TENM4: variants seen among roughly 807,000 people sequenced by gnomAD.
TENM4 encodes teneurin-4.
A neutral mutation model predicts 243.3 loss-of-function variants in TENM4; 82 were observed. The observed-to-expected ratio is 0.34, with a 90% confidence interval of 0.28 to 0.40. The LOEUF is 0.40. Among genes scored for constraint, TENM4 ranks in the 10% least tolerant of loss-of-function variants. The pLI is 1.00. For missense variants in TENM4, 3,138 were observed against 3,673.3 expected (o/e 0.85, Z 3.77); for synonymous variants, 1,412 against 1,456.3 (o/e 0.97, Z 0.69).
At chr11:78,698,219 T>C (rs1013558126) in intron 28 of TENM4, among the ~76,000 whole-genome samples, 3 of 152,104 alleles carry the variant, frequency 2.0e-5, no homozygotes, top group Admixed American at 6.5e-5. Flanking sequence ...CTGGCCAATA[T>C]AGTGAAACCC....
intron 1 of TENM4, among the ~76,000 whole-genome samples, chr11:79,423,462 G>A (rs745835172): frequency 6.6e-6 from 1 of 151,852 alleles, no homozygotes; most frequent in African/African-American, 2.4e-5. Flanking sequence ...GGTTTGAAAG[G>A]GTCTTCATGA....
In TENM4 at chr11:79,064,943, G is replaced by A; in HGVS notation, c.288C>T (p.Tyr96=). Residue 96 remains tyrosine (Y), a synonymous_variant, in exon 6 of 34, where the codon TAC becomes TAT. Transcript: ENST00000278550. ...EEVTPPHGTL[Y]RTDIGLPHCG... Reference sequence around the variant, plus strand: ...AGTGGGGGAGGCCAATGTCTGTCCGGTACAGGGTCCCGTGAGGGGGCGTTA... The same window carrying A: ...AGTGGGGGAGGCCAATGTCTGTCCGATACAGGGTCCCGTGAGGGGGCGTTA... The A allele has an allele frequency of 6.6e-7, 1 of 1,508,922 alleles. No homozygotes were observed. The highest frequency in any genetic ancestry group is 2.2e-5 in the Admixed American group (1 of 46,382). 93.5% of individuals were successfully genotyped at this position (1,508,922 alleles called of 1,614,324 possible).
intron 6 of TENM4, among the ~76,000 whole-genome samples, chr11:79,008,032 C>T (rs1248332443): frequency 1.3e-5 from 2 of 152,246 alleles, no homozygotes; most frequent in Admixed American, 6.5e-5. Context: ...TTTTATGAGG[C>T]CGCTGGAATC....
rs532705274 is a variant in TENM4, at chr11:78,656,516, T to C, written c.*1542A>G. ...TGCCCTCACTGCTCCCCCAGCCTGC[T>C]GGCTGCTGCCTCAGCTTGGGCGTGC... On this transcript the variant is annotated 3_prime_UTR_variant, in exon 34 of 34. Coordinates refer to ENST00000278550, the MANE Select transcript of TENM4 (RefSeq NM_001098816.3). 1 of 152,710 alleles carries C rather than the reference T, an allele frequency of 6.5e-6. No individual in the cohort carries two copies. Among genetic ancestry groups the C allele is most frequent in the South Asian group, 2.1e-4 (1 of 4,830 alleles). 9.5% of individuals were successfully genotyped at this position (152,710 alleles called of 1,614,324 possible). A position where few individuals can be genotyped will look rare whatever the true frequency, so the allele number is the denominator to read the frequency against.
intron 9 of TENM4, among the ~76,000 whole-genome samples, chr11:78,868,737 T>C (rs538410330): frequency 6.6e-6 from 1 of 152,286 alleles, no homozygotes; most frequent in Non-Finnish European, 1.5e-5. Flanking sequence ...CACACTTCCC[T>C]TCCAAAACTG....
At chr11:79,236,497 C>T (rs1468573925) in intron 2 of TENM4, among the ~76,000 whole-genome samples, 3 of 152,174 alleles carry the variant, frequency 2.0e-5, no homozygotes, top group Non-Finnish European at 4.4e-5. Context: ...CTCTCTCTTT[C>T]TCGCGCTGTG....
At chr11:78,865,882 A>C (rs1858962425) in intron 9 of TENM4, among the ~76,000 whole-genome samples, 1 of 152,244 alleles carries the variant, frequency 6.6e-6, no homozygotes, top group Non-Finnish European at 1.5e-5. Context: ...TGAGTATAGA[A>C]AGCTTCAAAA....
intron 3 of TENM4, among the ~76,000 whole-genome samples, chr11:79,180,035 G>T (rs1006719717): frequency 2.0e-5 from 3 of 151,734 alleles, no homozygotes; most frequent in Admixed American, 6.6e-5. Flanking sequence ...GTCTGGGCTT[G>T]CAAATTGCCC....
intron 1 of TENM4, among the ~76,000 whole-genome samples, chr11:79,362,545 C>T (rs1032520008): frequency 2.0e-5 from 3 of 152,150 alleles, no homozygotes; most frequent in African/African-American, 7.2e-5. Context: ...AACAAGTTCC[C>T]ACACTCTCTG....
At chr11:78,902,218 C>A (rs531870098) in intron 7 of TENM4, among the ~76,000 whole-genome samples, 2 of 152,294 alleles carry the variant, frequency 1.3e-5, no homozygotes, top group African/African-American at 4.8e-5. Context: ...AAGTCAACAG[C>A]GCTTATCTCA....
intron 4 of TENM4, among the ~76,000 whole-genome samples, chr11:79,132,745 G>A (rs1168371472): frequency 1.3e-5 from 2 of 152,068 alleles, no homozygotes; most frequent in African/African-American, 4.8e-5. Flanking sequence ...CTCTGAATGA[G>A]CACTGAGTCA....
intron 2 of TENM4, among the ~76,000 whole-genome samples, chr11:79,292,884 G>A (rs896143915): frequency 6.6e-6 from 1 of 152,174 alleles, no homozygotes; most frequent in Admixed American, 6.5e-5. Context: ...ACTATGCTTA[G>A]CAAATAGCCA....
chr11:79,312,557 A>G (rs1856739426), intron 1 of TENM4, among the ~76,000 whole-genome samples: 1 of 152,160 alleles, frequency 6.6e-6, no homozygotes, highest in African/African-American at 2.4e-5. Flanking sequence ...TCCAAGGTTG[A>G]GCAAGTGACA....
chr11:79,436,758 C>A (rs902134837), intron 1 of TENM4, among the ~76,000 whole-genome samples: 23 of 152,182 alleles, frequency 1.5e-4, no homozygotes, highest in African/African-American at 5.6e-4. Flanking sequence ...ACCTCCACCC[C>A]CAAACAGAGG....
intron 2 of TENM4, among the ~76,000 whole-genome samples, chr11:79,292,287 C>T (rs1239940542): frequency 1.3e-5 from 2 of 152,090 alleles, no homozygotes; most frequent in East Asian, 1.9e-4. Context: ...CACCAATGAG[C>T]ATGCTGTAGT....
chr11:79,054,433 T>C (rs1859887141), intron 6 of TENM4, among the ~76,000 whole-genome samples: 1 of 152,114 alleles, frequency 6.6e-6, no homozygotes, highest in African/African-American at 2.4e-5. Context: ...TCATGGAGTT[T>C]TTGAGCTAAG....
At chr11:79,394,233 C>G (rs375687720) in intron 1 of TENM4, among the ~76,000 whole-genome samples, 5 of 152,280 alleles carry the variant, frequency 3.3e-5, no homozygotes, top group African/African-American at 1.2e-4. Context: ...CAATTCAAGC[C>G]AACAAGTATT....
At chr11:78,845,418 C>G (rs892020004) in intron 12 of TENM4, among the ~76,000 whole-genome samples, 9 of 152,222 alleles carry the variant, frequency 5.9e-5, no homozygotes, top group Admixed American at 4.6e-4. Context: ...ATAACTAATA[C>G]AGCCCGCATC....
chr11:78,668,839 C>T (rs1445082262), intron 32 of TENM4, 98 bp downstream of exon 32: 7 of 1,432,728 alleles, frequency 4.9e-6, no homozygotes, highest in Non-Finnish European at 6.6e-6. Context: ...TCAGTGTTTC[C>T]TGTCACCTTA....
Sources: gnomAD v4.1 joint callset for allele counts (sites outside exome capture counted in the v4.1 genomes callset) on GRCh38, gnomAD v4.1.1 for gene constraint, MANE v1.5 for transcripts, NCBI Gene and HGNC (gene_info 2026-07-23, HGNC 2026-07-21) for gene names.